L2HGDH: variants seen among roughly 807,000 people sequenced by gnomAD.
L2HGDH encodes the protein L-2-hydroxyglutarate dehydrogenase.
In L2HGDH, 34 loss-of-function variants were observed where a neutral mutation model predicts 51.5. The ratio of observed to expected loss-of-function variants is 0.66; its 90% CI spans 0.50 to 0.88. L2HGDH has a LOEUF of 0.88. L2HGDH is among the 40% of genes least tolerant of loss of function. L2HGDH has a pLI of 0.00. For missense variants in L2HGDH, 558 were observed against 571.9 expected (o/e 0.98, Z 0.25); for synonymous variants, 198 against 197.9 (o/e 1.00, Z -0.01).
At chr14:50,303,756 T>C in intron 1 of L2HGDH, among the ~76,000 whole-genome samples, 1 of 128,170 alleles carries the variant, frequency 7.8e-6, no homozygotes. Context: ...CAGTCCAGCC[T>C]GGGAGACAGC....
intron 1 of L2HGDH, among the ~76,000 whole-genome samples, chr14:50,305,927 G>A (rs566817270): frequency 3.2e-4 from 48 of 152,226 alleles, no homozygotes; most frequent in African/African-American, 1.0e-3. Flanking sequence ...TATGTGAATA[G>A]TTGTTATACT....
intron 9 of L2HGDH, among the ~76,000 whole-genome samples, chr14:50,260,970 AGCCGGGTGTGGTGGCAG>A (rs1394392373): frequency 3.3e-5 from 5 of 152,296 alleles, no homozygotes; most frequent in Non-Finnish European, 7.4e-5. Context: ...ACAAAAAATT[AGCCGGGTGTGGTGGCAG>A]GCGCCTGTAA....
chr14:50,286,925 G>GACAGCCATGCCTTATTCATCTTCTTT (rs1890597568), intron 4 of L2HGDH, among the ~76,000 whole-genome samples: 2 of 152,152 alleles, frequency 1.3e-5, no homozygotes, highest in Admixed American at 1.3e-4. Flanking sequence ...CCTTCAGGTT[G>GACAGCCATGCCTTATTCATCTTCTTT]ACAGCCATGC....
intron 9 of L2HGDH, among the ~76,000 whole-genome samples, chr14:50,247,797 A>T (rs1348752354): frequency 6.6e-6 from 1 of 152,200 alleles, no homozygotes; most frequent in Non-Finnish European, 1.5e-5. Context: ...GTTTGTTTTT[A>T]AGAGTTTACC....
At chr14:50,264,238 C>T (rs1413184187) in intron 9 of L2HGDH, among the ~76,000 whole-genome samples, 1 of 151,444 alleles carries the variant, frequency 6.6e-6, no homozygotes, top group Non-Finnish European at 1.5e-5. Flanking sequence ...ATTAGCCGGG[C>T]GTGGTGGCAC....
intron 3 of L2HGDH, among the ~76,000 whole-genome samples, chr14:50,295,745 CTT>C (rs58353838): frequency 3.2e-4 from 42 of 131,422 alleles, no homozygotes; most frequent in Admixed American, 3.9e-4. Context: ...TTCATAGCAT[CTT>C]TTTTTTTTTT....
intron 1 of L2HGDH, 24 bp downstream of exon 1, chr14:50,311,987 C>G: frequency 3.2e-6 from 5 of 1,549,552 alleles, no homozygotes; most frequent in Non-Finnish European, 4.3e-6. Flanking sequence ...GCGCAGGCGG[C>G]GGGGAGGACC....
rs954346166 is a variant in L2HGDH at position 50,309,355 on chromosome 14, G to C, written c.140+2656C>G. ...AGGCGGGTGGATCACCTGAGGTCAG[G>C]AGTTTGAGACCAGCCTGGCCAACAC... On this transcript the variant is annotated intron_variant, in intron 1 of 9. Transcript: ENST00000267436. 9.2e-5 allele frequency among the ~76,000 whole-genome samples: 14 copies of C among 152,162 alleles called. 1 individual carries two copies. Among genetic ancestry groups the C allele is most frequent in the Non-Finnish European group, 1.8e-4 (12 of 68,028 alleles).
chr14:50,292,070 C>T (rs1425179181), intron 4 of L2HGDH, among the ~76,000 whole-genome samples: 2 of 151,930 alleles, frequency 1.3e-5, no homozygotes, highest in African/African-American at 2.4e-5. Flanking sequence ...TATCAGAAAA[C>T]ATCAAATACA....
At chr14:50,311,158 T>C (rs2031135163) in intron 1 of L2HGDH, 1 of 350,890 alleles carries the variant, frequency 2.8e-6, no homozygotes, top group Non-Finnish European at 5.6e-6. Flanking sequence ...GTTAGGCTGG[T>C]CTCCAACTTC....
intron 9 of L2HGDH, among the ~76,000 whole-genome samples, chr14:50,253,449 A>G (rs1888482066): frequency 2.0e-5 from 3 of 152,180 alleles, no homozygotes; most frequent in Non-Finnish European, 4.4e-5. Context: ...AACATCACTG[A>G]TCATCAGAGA....
rs769477187 is a variant in L2HGDH at position 50,302,082 on chromosome 14, G to C, written c.343C>G (p.Gln115Glu). The C allele has an allele frequency of 1.2e-6, 2 of 1,614,050 alleles. No individual in the cohort carries two copies. The highest frequency in any genetic ancestry group is 3.3e-5 in the Admixed American group (2 of 60,012). The change falls in exon 3 of 10, where the codon CAA becomes GAA. Residue 115 changes from glutamine to glutamate, a missense_variant. This residue lies in a region of L2HGDH where 194 missense variants were observed against 187.2 expected (regional missense o/e 1.04). Coordinates refer to ENST00000267436, the MANE Select transcript of L2HGDH (RefSeq NM_024884.3). ...PESLKAKLCV[Q>E]GAALLYEYCQ... ...TACTCATAGAGGAGGGCTGCACCTT[G>C]TACACATAATTTGGCTTTCAGAGAC...
At chr14:50,293,121 T>A in intron 4 of L2HGDH, 2 of 651,596 alleles carry the variant, frequency 3.1e-6, no homozygotes, top group Non-Finnish European at 5.6e-6. Context: ...TAAAAAAAAA[T>A]GGCTATTATA....
chr14:50,293,483 A>G (rs908604919), intron 4 of L2HGDH, among the ~76,000 whole-genome samples: 1 of 152,132 alleles, frequency 6.6e-6, no homozygotes, highest in Non-Finnish European at 1.5e-5. Context: ...AAGTCTTTGA[A>G]TGCATCCAGA....
chr14:50,297,909 T>C (rs1176685584), intron 3 of L2HGDH, among the ~76,000 whole-genome samples: 1 of 150,568 alleles, frequency 6.6e-6, no homozygotes, highest in Non-Finnish European at 1.5e-5. Context: ...GAGACCAACT[T>C]GAGCAACGGA....
At chr14:50,286,158 T>C (rs12882001) in intron 4 of L2HGDH, among the ~76,000 whole-genome samples, 8,000 of 151,704 alleles carry the variant, frequency 0.053, 311 homozygotes, top group Non-Finnish European at 0.078. Context: ...ACAGGGAAAA[T>C]TGAGAGTAGA....
intron 9 of L2HGDH, among the ~76,000 whole-genome samples, chr14:50,257,396 G>A (rs1441280436): frequency 1.3e-5 from 2 of 151,180 alleles, no homozygotes; most frequent in Non-Finnish European, 2.9e-5. Flanking sequence ...TTGAGACAGG[G>A]TCTTGCTCTG....
intron 4 of L2HGDH, among the ~76,000 whole-genome samples, chr14:50,292,132 C>A (rs572317686): frequency 6.6e-6 from 1 of 152,166 alleles, no homozygotes; most frequent in South Asian, 2.1e-4. Flanking sequence ...GACTTCCATA[C>A]TGAAAATTAA....
chr14:50,247,457 G>A lies in L2HGDH; in HGVS notation c.1197-204C>T, dbSNP rs754093781. 3.4e-4 allele frequency among the ~76,000 whole-genome samples: 51 copies of A among 152,120 alleles called. 1 individual carries two copies. The highest frequency in any genetic ancestry group is 5.9e-5 in the Non-Finnish European group (4 of 68,020). ...TAGCTTAGAGCCTAAAACCTATTACGTAACAATAGTGTAACAAACGCTTAT... is the reference window on the plus strand; with the variant it reads ...TAGCTTAGAGCCTAAAACCTATTACATAACAATAGTGTAACAAACGCTTAT... On this transcript the variant is annotated intron_variant, in intron 9 of 9. Transcript: ENST00000267436.
Sources: gnomAD v4.1 joint callset for allele counts (sites outside exome capture counted in the v4.1 genomes callset) on GRCh38, gnomAD v4.1.1 for gene constraint, gnomAD v4.1.1 regional missense constraint, MANE v1.5 for transcripts, NCBI Gene and HGNC (gene_info 2026-07-23, HGNC 2026-07-21) for gene names.